SMC1B: variants seen among roughly 807,000 people sequenced by gnomAD.
The protein encoded by SMC1B is structural maintenance of chromosomes protein 1B.
A neutral mutation model predicts 157.9 loss-of-function variants in SMC1B; 60 were observed. The observed-to-expected ratio is 0.38, with a 90% CI of 0.31 to 0.47. The LOEUF is 0.47. SMC1B is among the 20% of genes least tolerant of loss of function. The pLI is 0.99. For synonymous variants in SMC1B, 445 were observed against 483.0 expected, an observed-to-expected ratio of 0.92 and a Z score of 1.03; for missense variants, 1,165 against 1,426.2, an observed-to-expected ratio of 0.82 and a Z score of 2.95.
At chr22:45,412,619 G>A (rs928918425) in intron 1 of SMC1B, among the ~76,000 whole-genome samples, 16 of 142,688 alleles carry the variant, frequency 1.1e-4, no homozygotes, top group African/African-American at 3.9e-4. Context: ...CGATTCTCCC[G>A]CCTCAGCCTC....
At position 45,359,429 on chromosome 22, in the gene SMC1B, C is replaced by T. The variant is rs140470108; in HGVS notation, c.2862+376G>A. ...CCACCTGGAGATACTCAGTAGGGCA[C>T]GTTTCTTCTGAGAAGGACCTCAATA... On this transcript the variant is annotated intron_variant, in intron 18 of 24. Transcript: ENST00000357450. Among the ~76,000 whole-genome samples the T allele has an allele frequency of 1.2e-3, 184 of 152,314 alleles. 1 individual carries two copies. The highest frequency in any genetic ancestry group is 4.1e-3 in the African/African-American group (170 of 41,572).
chr22:45,377,363 G>A (rs1602069832), intron 12 of SMC1B, among the ~76,000 whole-genome samples: 2 of 152,134 alleles, frequency 1.3e-5, no homozygotes, highest in East Asian at 3.9e-4. Flanking sequence ...CCTAGCCTGG[G>A]CATGGTGGCT....
At chr22:45,393,891 G>T in intron 8 of SMC1B, 50 bp from the exon 9 acceptor site, 3 of 1,333,836 alleles carry the variant, frequency 2.2e-6, no homozygotes, top group Non-Finnish European at 3.1e-6. Flanking sequence ...CAAAATTTAG[G>T]AATTACCAGG....
At chr22:45,347,606 T>C (rs1327152497) in intron 23 of SMC1B, among the ~76,000 whole-genome samples, 1 of 152,110 alleles carries the variant, frequency 6.6e-6, no homozygotes, top group Admixed American at 6.6e-5. Context: ...GCCAATTTAT[T>C]TCTTTTTTTC....
chr22:45,396,291 G>A, intron 7 of SMC1B, 55 bp downstream of exon 7: 1 of 1,495,118 alleles, frequency 6.7e-7, no homozygotes, highest in Non-Finnish European at 9.1e-7. Flanking sequence ...GTACAAAAAG[G>A]AAATAAAATT....
chr22:45,413,406 G>C (rs993198728), intron 1 of SMC1B, 53 bp downstream of exon 1: 43 of 1,423,658 alleles, frequency 3.0e-5, no homozygotes, highest in Admixed American at 1.2e-4. Flanking sequence ...CGTGTGGCCT[G>C]GACGCCTGGG....
At position 45,386,573 on chromosome 22, in the gene SMC1B, A is replaced by AAACAACAAC. The variant is rs10694878; in HGVS notation, c.1911+285_1911+293dup. 8.7e-3 allele frequency among the ~76,000 whole-genome samples: 1,310 copies of AAACAACAAC among 150,978 alleles called. 20 individuals carry two copies. The highest frequency in any genetic ancestry group is 0.03 in the African/African-American group (1,215 of 40,962). Reference sequence around the variant, plus strand: ...ATATCCAGGGTCCATATAAGGTTTAAAACAACAACAACAACAACAACAACT... The same window carrying AAACAACAAC: ...ATATCCAGGGTCCATATAAGGTTTAAAACAACAACAACAACAACAACAACAACAACAACT... On this transcript the variant is annotated intron_variant, in intron 11 of 24. Coordinates refer to ENST00000357450, the MANE Select transcript of SMC1B (RefSeq NM_148674.5).
chr22:45,403,812 G>A (rs1023328336), intron 4 of SMC1B, among the ~76,000 whole-genome samples: 4 of 152,126 alleles, frequency 2.6e-5, no homozygotes, highest in Non-Finnish European at 4.4e-5. Flanking sequence ...GGAGAAGAGA[G>A]GAAGAAAAGT....
At chr22:45,381,244 G>A (rs1360117530) in intron 12 of SMC1B, among the ~76,000 whole-genome samples, 2 of 152,012 alleles carry the variant, frequency 1.3e-5, no homozygotes, top group African/African-American at 2.4e-5. Context: ...ATACGTTTAT[G>A]TATTTCTTTG....
intron 9 of SMC1B, among the ~76,000 whole-genome samples, chr22:45,390,344 A>G (rs2087042617): frequency 6.6e-6 from 1 of 152,150 alleles, no homozygotes; most frequent in African/African-American, 2.4e-5. Context: ...TATGTACAAA[A>G]TGGAGCTAGA....
intron 4 of SMC1B, among the ~76,000 whole-genome samples, chr22:45,403,924 G>A (rs1374175922): frequency 2.0e-5 from 3 of 151,854 alleles, no homozygotes; most frequent in Admixed American, 1.3e-4. Flanking sequence ...TTTCATCAGA[G>A]GGTGTTTTTT....
intron 1 of SMC1B, among the ~76,000 whole-genome samples, chr22:45,413,138 G>A (rs1435610658): frequency 6.6e-6 from 1 of 152,132 alleles, no homozygotes; most frequent in East Asian, 1.9e-4. Context: ...GGGTGTCGGA[G>A]GAGGGTCGGG....
intron 5 of SMC1B, 30 bp downstream of exon 5, chr22:45,402,303 A>C: frequency 6.9e-7 from 1 of 1,449,230 alleles, no homozygotes; most frequent in Non-Finnish European, 9.6e-7. Context: ...CATATAACCC[A>C]ACTGTTAATA....
At chr22:45,348,460 T>C (rs1025056618) in intron 23 of SMC1B, among the ~76,000 whole-genome samples, 3 of 152,134 alleles carry the variant, frequency 2.0e-5, no homozygotes, top group African/African-American at 4.8e-5. Flanking sequence ...ACTGGGAAGG[T>C]AGGATTTTAA....
At chr22:45,390,383 T>C (rs892170890) in intron 9 of SMC1B, among the ~76,000 whole-genome samples, 2 of 152,134 alleles carry the variant, frequency 1.3e-5, no homozygotes, top group African/African-American at 4.8e-5. Context: ...TGAGAATATT[T>C]AACAGGGACC....
rs556062475 is a variant in SMC1B at position 45,374,136 on chromosome 22, T to C, written c.2059-1844A>G. 1.9e-3 allele frequency among the ~76,000 whole-genome samples: 166 copies of C among 86,004 alleles called. 1 individual carries two copies. The highest frequency in any genetic ancestry group is 7.2e-3 in the South Asian group (19 of 2,654). 56.4% of individuals were successfully genotyped at this position (86,004 alleles called of 152,430 possible). On this transcript the variant is annotated intron_variant, in intron 12 of 24. Transcript: ENST00000357450. ...TTTGGTAAGAAAGCTTAAAGAGAAA[T>C]AATTTTATATGAGAAAGAATCTTGT...
chr22:45,391,341 T>C (rs949102783), intron 9 of SMC1B, among the ~76,000 whole-genome samples: 1 of 152,230 alleles, frequency 6.6e-6, no homozygotes, highest in African/African-American at 2.4e-5. Context: ...TTTTATCTTA[T>C]TGTTTTACCT....
At chr22:45,401,719 C>A (rs1238058939) in intron 5 of SMC1B, among the ~76,000 whole-genome samples, 1 of 152,206 alleles carries the variant, frequency 6.6e-6, no homozygotes, top group Non-Finnish European at 1.5e-5. Flanking sequence ...CCAGAAGACC[C>A]AATTGGGAGC....
rs762941686 is a variant in SMC1B at position 45,389,700 on chromosome 22, C to G, written c.1731+12G>C. 2 of 1,607,176 alleles carry G rather than the reference C, an allele frequency of 1.2e-6. No homozygotes were observed. Among genetic ancestry groups the G allele is most frequent in the Admixed American group, 3.4e-5 (2 of 58,916 alleles). On this transcript the variant is annotated intron_variant, in intron 10 of 24. Coordinates refer to ENST00000357450, the MANE Select transcript of SMC1B (RefSeq NM_148674.5). The stretch of plus-strand genomic sequence containing the variant: ...TTATCACTATAAATACCAGGCATTA[C>G]AAAGTTCTTACATCAAGGTAATCTA...
Sources: allele counts gnomAD v4.1 joint callset (sites outside exome capture counted in the v4.1 genomes callset), GRCh38; gene constraint gnomAD v4.1.1; transcripts MANE v1.5; gene names NCBI Gene and HGNC (gene_info 2026-07-23, HGNC 2026-07-21).